Variants in AGO4 observed in about 807,000 individuals in gnomAD.
AGO4 encodes the protein argonaute RISC component 4.
A neutral mutation model predicts 104.7 loss-of-function variants in AGO4; 33 were observed. That is an observed-to-expected ratio of 0.32 (90% CI 0.24 to 0.42). AGO4 has a LOEUF of 0.42. Ranked by LOEUF, AGO4 falls within the 10% of genes least tolerant of loss-of-function variation. AGO4 has a pLI of 1.00. For synonymous variants in AGO4, 331 were observed against 364.7 expected, an observed-to-expected ratio of 0.91 and a Z score of 1.05; for missense variants, 711 against 1,083.4, an observed-to-expected ratio of 0.66 and a Z score of 4.83.
intron 17 of AGO4, among the ~76,000 whole-genome samples, chr1:35,852,227 G>A (rs147631886): frequency 7.9e-5 from 12 of 152,312 alleles, no homozygotes; most frequent in African/African-American, 2.9e-4. Flanking sequence ...TCCTAGGATA[G>A]AATAGACAGG....
rs1197009062 is a variant in AGO4 at position 35,850,705 on chromosome 1, C to A, written c.2278-149C>A. 1.9e-5 allele frequency: 13 copies of A among 668,030 alleles called. No individual in the cohort carries two copies. The African/African-American group carries it at 2.4e-4, about 12-fold the overall frequency. 41.4% of individuals were successfully genotyped at this position (668,030 alleles called of 1,614,324 possible). On this transcript the variant is annotated intron_variant, in intron 16 of 17. Coordinates refer to ENST00000373210, the MANE Select transcript of AGO4 (RefSeq NM_017629.4). The stretch of plus-strand genomic sequence containing the variant: ...CCGAGGCAGGAGAATTGTTTGAAGT[C>A]CAGAGGCGGGGGTTTCTGTGAACCA...
rs932745011 is a variant in AGO4, at chr1:35,856,044, G to C, written c.*2439G>C. 6.6e-6 allele frequency: 1 copy of C among 152,218 alleles called. No individual in the cohort carries two copies. Among genetic ancestry groups the C allele is most frequent in the African/African-American group, 2.4e-5 (1 of 41,446 alleles). 9.4% of individuals were successfully genotyped at this position (152,218 alleles called of 1,614,324 possible). A position where few individuals can be genotyped will look rare whatever the true frequency, so the allele number is the denominator to read the frequency against. ...GATTAGCTTGTCTTGCTCTACGCTC[G>C]ACCTCGAACAATACAGCTTGTAAGA... On this transcript the variant is annotated 3_prime_UTR_variant, in exon 18 of 18. Transcript: ENST00000373210.
intron 3 of AGO4, among the ~76,000 whole-genome samples, chr1:35,824,856 G>A (rs995815914): frequency 6.6e-6 from 1 of 152,116 alleles, no homozygotes; most frequent in Non-Finnish European, 1.5e-5. Context: ...TGTTCACATT[G>A]TTGTGCATCC....
At chr1:35,828,439 C>A (rs1269059340) in intron 7 of AGO4, among the ~76,000 whole-genome samples, 1 of 152,100 alleles carries the variant, frequency 6.6e-6, no homozygotes, top group Non-Finnish European at 1.5e-5. Context: ...GCTGTCACTT[C>A]TTACAGCTGT....
At position 35,856,003 on chromosome 1, in the gene AGO4, T is replaced by C. The variant is rs925634245; in HGVS notation, c.*2398T>C. ...ATGTATGGAGCAGGGAGCAAGGCTA[T>C]GTTCCCGAAAGCCCTGATTAGCTTG... On this transcript the variant is annotated 3_prime_UTR_variant, in exon 18 of 18. Transcript: ENST00000373210. 2.0e-5 allele frequency: 3 copies of C among 152,316 alleles called. No homozygotes were observed. The highest frequency in any genetic ancestry group is 7.2e-5 in the African/African-American group (3 of 41,474). The allele number at this position is 152,316 out of a possible 1,614,324, so 9.4% of individuals were successfully genotyped here. A position where few individuals can be genotyped will look rare whatever the true frequency, so the allele number is the denominator to read the frequency against.
At chr1:35,851,905 G>A (rs1211280824) in intron 17 of AGO4, among the ~76,000 whole-genome samples, 1 of 152,182 alleles carries the variant, frequency 6.6e-6, no homozygotes, top group Non-Finnish European at 1.5e-5. Flanking sequence ...TTATGTTTCA[G>A]TATGGGAGAC....
chr1:35,852,519 A>G (rs559260133), intron 17 of AGO4, among the ~76,000 whole-genome samples: 1 of 152,302 alleles, frequency 6.6e-6, no homozygotes, highest in East Asian at 1.9e-4. Context: ...GTGGCACAAT[A>G]GCATTTGCTG....
intron 15 of AGO4, among the ~76,000 whole-genome samples, chr1:35,849,927 T>C (rs562670000): frequency 6.6e-6 from 1 of 152,338 alleles, no homozygotes; most frequent in South Asian, 2.1e-4. Context: ...AATATTTTTG[T>C]CCGTATCCTC....
chr1:35,844,245 T>C (rs1183643373), intron 15 of AGO4, among the ~76,000 whole-genome samples: 1 of 152,158 alleles, frequency 6.6e-6, no homozygotes, highest in African/African-American at 2.4e-5. Context: ...GGTTTCACCA[T>C]GTTGTCCAGG....
At chr1:35,829,349 C>T (rs1644119548) in intron 7 of AGO4, among the ~76,000 whole-genome samples, 1 of 151,264 alleles carries the variant, frequency 6.6e-6, no homozygotes, top group Non-Finnish European at 1.5e-5. Flanking sequence ...TATGAAGTCA[C>T]TGTTGAGAAT....
At chr1:35,834,205 T>G in intron 12 of AGO4, 31 bp downstream of exon 12, 1 of 1,476,722 alleles carries the variant, frequency 6.8e-7, no homozygotes, top group Non-Finnish European at 9.0e-7. Context: ...GAATGAGGGA[T>G]GATTTCAAGC....
chr1:35,818,095 A>G (rs1350777269), intron 2 of AGO4, among the ~76,000 whole-genome samples: 1 of 152,226 alleles, frequency 6.6e-6, no homozygotes, highest in Non-Finnish European at 1.5e-5. Flanking sequence ...AAAAGAAAAT[A>G]GAGATGGAAG....
intron 7 of AGO4, among the ~76,000 whole-genome samples, chr1:35,829,840 T>TAAAAA (rs752406279): frequency 4.8e-5 from 3 of 62,172 alleles, no homozygotes; most frequent in Non-Finnish European, 8.7e-5. Flanking sequence ...GACTACATCT[T>TAAAAA]AAAAAAAAAA....
At position 35,841,206 on chromosome 1, in the gene AGO4, A is replaced by G. The variant is rs1212842363; in HGVS notation, c.1766A>G (p.Asp589Gly). 3.1e-6 allele frequency: 5 copies of G among 1,612,912 alleles called. No individual in the cohort carries two copies. The highest frequency in any genetic ancestry group is 2.5e-6 in the Non-Finnish European group (3 of 1,178,990). Residue 589 changes from aspartate (D) to glycine (G), a missense_variant, in exon 14 of 18, where the codon GAT becomes GGT. By Grantham distance (94) the Asp-to-Gly change is moderately conservative. Around this residue, in one of 3 missense-constraint regions of AGO4, gnomAD observed 401 missense variants for 665.5 expected, o/e 0.60. Coordinates refer to ENST00000373210, the MANE Select transcript of AGO4 (RefSeq NM_017629.4). This position sits in a 1 kb window ranked among gnomAD's most constrained non-coding sequence, Gnocchi z 4.7. ...CAGCCTGTCATCTTCCTGGGAGCGGATGTCACACACCCCCCAGCAGGGGAT... is the reference window on the plus strand; with the variant it reads ...CAGCCTGTCATCTTCCTGGGAGCGGGTGTCACACACCCCCCAGCAGGGGAT... ...FQQPVIFLGA[D>G]VTHPPAGDGK...
intron 7 of AGO4, among the ~76,000 whole-genome samples, chr1:35,828,606 A>G (rs1359954844): frequency 2.0e-5 from 3 of 149,376 alleles, no homozygotes; most frequent in African/African-American, 7.4e-5. Flanking sequence ...TGCAACCTCC[A>G]CCTCCCCGGT....
chr1:35,825,295 A>G lies in AGO4; in HGVS notation c.307-18A>G. On this transcript the variant is annotated intron_variant, in intron 3 of 17. Transcript: ENST00000373210. ...ATTGTAAACATTTGTGTTTGTATTCATGTATTTTTTTCCTTAGGTTGATAT... is the reference window on the plus strand; with the variant it reads ...ATTGTAAACATTTGTGTTTGTATTCGTGTATTTTTTTCCTTAGGTTGATAT... The G allele has an allele frequency of 6.2e-7, 1 of 1,608,974 alleles. No individual in the cohort carries two copies. Among genetic ancestry groups the G allele is most frequent in the South Asian group, 1.1e-5 (1 of 90,794 alleles).
chr1:35,819,792 T>G (rs1220871903), intron 2 of AGO4, among the ~76,000 whole-genome samples: 1 of 144,276 alleles, frequency 6.9e-6, no homozygotes, highest in Non-Finnish European at 1.5e-5. Context: ...AGTGAGACTC[T>G]GAGTCTTAAA....
At chr1:35,829,840 TAAAA>T (rs752406279) in intron 7 of AGO4, among the ~76,000 whole-genome samples, 3 of 62,184 alleles carry the variant, frequency 4.8e-5, no homozygotes, top group African/African-American at 1.9e-4. Flanking sequence ...GACTACATCT[TAAAA>T]AAAAAAAAAA....
chr1:35,818,703 A>G (rs1003116405), intron 2 of AGO4, among the ~76,000 whole-genome samples: 5 of 151,534 alleles, frequency 3.3e-5, no homozygotes, highest in Non-Finnish European at 4.4e-5. Context: ...GGAAGGAAGG[A>G]AAGAAACAAA....
Sources: gnomAD v4.1 joint callset for allele counts (sites outside exome capture counted in the v4.1 genomes callset) on GRCh38, gnomAD v4.1.1 for gene constraint, gnomAD v4.1.1 regional missense constraint, Gnocchi (gnomAD v3.1) non-coding constraint, MANE v1.5 for transcripts, NCBI Gene and HGNC (gene_info 2026-07-23, HGNC 2026-07-21) for gene names.